The following STK11 variants were observed in gnomAD, a reference collection of about 807,000 sequenced individuals.
STK11 encodes the protein serine/threonine-protein kinase STK11.
STK11 carries 8 observed loss-of-function variants against 47.3 expected under a neutral mutation model. That is an observed-to-expected ratio of 0.17 (90% confidence interval 0.10 to 0.31). STK11 has a LOEUF of 0.31. STK11 is among the 10% of genes least tolerant of loss of function. The pLI is 1.00. For missense variants in STK11, 475 were observed against 605.0 expected (o/e 0.79, Z 2.25); for synonymous variants, 330 against 255.8 (o/e 1.29, Z -2.77).
rs776823114 is a variant in STK11 at position 1,220,709 on chromosome 19, G to T, written c.726G>T (p.Gly242=). 5.0e-6 allele frequency: 8 copies of T among 1,609,000 alleles called. No individual in the cohort carries two copies. The highest frequency in any genetic ancestry group is 5.9e-6 in the Non-Finnish European group (7 of 1,178,124). The part of the protein sequence containing the change: ...SGFKVDIWSA[G]VTLYNITTGL... Reference sequence around the variant, plus strand: ...TCAAGGTGGACATCTGGTCGGCTGGGGTCACCCTGTAAGTGCCCCGCCCCC... The same window carrying T: ...TCAAGGTGGACATCTGGTCGGCTGGTGTCACCCTGTAAGTGCCCCGCCCCC... The change falls in exon 5 of 10, where the codon GGG becomes GGT. Residue 242 remains glycine (G), a synonymous_variant. Coordinates refer to ENST00000326873, the MANE Select transcript of STK11 (RefSeq NM_000455.5).
intron 8 of STK11, chr19:1,223,586 C>T (rs934485711): frequency 2.7e-5 from 29 of 1,081,840 alleles, no homozygotes; most frequent in Middle Eastern, 4.1e-4. Context: ...TCCCTCCCGT[C>T]GTCCCTGAGG....
Position 1,206,112 on chromosome 19 carries a change from C to T in STK11, c.-802C>T, listed in dbSNP as rs2080662558. The T allele has an allele frequency of 6.8e-6, 1 of 147,022 alleles. No individual in the cohort carries two copies. Among genetic ancestry groups the T allele is most frequent in the South Asian group, 2.1e-4 (1 of 4,822 alleles). 9.1% of individuals were successfully genotyped at this position (147,022 alleles called of 1,614,324 possible). On this transcript the variant is annotated 5_prime_UTR_variant, in exon 1 of 10. Transcript: ENST00000326873. ...GAGGGCACTCGGGGCGGGGCGCGCGCTCGGGCAGACGTTTGCGGGGAGGGG... is the reference window on the plus strand; with the variant it reads ...GAGGGCACTCGGGGCGGGGCGCGCGTTCGGGCAGACGTTTGCGGGGAGGGG...
chr19:1,218,391 A>C, intron 1 of STK11, 26 bp from the exon 2 acceptor site: 1 of 1,603,372 alleles, frequency 6.2e-7, no homozygotes, highest in Non-Finnish European at 8.5e-7. Context: ...GGGTCGGCTG[A>C]TACACCCCTG....
At position 1,228,180 on chromosome 19, in the gene STK11, C is replaced by G; in HGVS notation, c.*604C>G. The G allele has an allele frequency of 9.6e-7, 1 of 1,047,050 alleles. No individual in the cohort carries two copies. The highest frequency in any genetic ancestry group is 1.2e-6 in the Non-Finnish European group (1 of 862,538). 64.9% of individuals were successfully genotyped at this position (1,047,050 alleles called of 1,614,324 possible). ...CTCACGTCGCGGCCGCCTTTGCGCT[C>G]TCGGGTCACCCTGCTTTGGCGGCCC... On this transcript the variant is annotated 3_prime_UTR_variant, in exon 10 of 10. Coordinates refer to ENST00000326873, the MANE Select transcript of STK11 (RefSeq NM_000455.5).
chr19:1,224,892 G>A lies in STK11; in HGVS notation c.1109-1562G>A, dbSNP rs568298182. ...ATGCTGGGGACAGGCTCAACTTCAG[G>A]CTTCAGCGTGAGCCCCGTCCCTGAC... On this transcript the variant is annotated intron_variant, in intron 8 of 9. Transcript: ENST00000326873. 3.1e-5 allele frequency: 31 copies of A among 985,700 alleles called. No homozygotes were observed. The Admixed American group carries it at 1.7e-3, about 53-fold the overall frequency. The allele number at this position is 985,700 out of a possible 1,614,324, so 61.1% of individuals were successfully genotyped here.
chr19:1,213,142 G>A (rs1020650067), intron 1 of STK11, among the ~76,000 whole-genome samples: 13 of 151,152 alleles, frequency 8.6e-5, no homozygotes, highest in South Asian at 4.2e-4. Context: ...GACTACAGGC[G>A]CCTGCCACCA....
At chr19:1,224,250 G>A (rs1203269442) in intron 8 of STK11, 1 of 985,382 alleles carries the variant, frequency 1.0e-6, no homozygotes, top group Non-Finnish European at 1.2e-6. Context: ...GGCCCCCCAG[G>A]AGGGTACAGC....
chr19:1,219,528 G>C (rs1206877058), intron 3 of STK11, 115 bp downstream of exon 3: 4 of 903,304 alleles, frequency 4.4e-6, no homozygotes, highest in Non-Finnish European at 6.5e-6. Context: ...GAAGGCCCAA[G>C]TTTTTTTGTT....
In STK11 at chr19:1,228,087, T is replaced by G. The variant is rs1599934581; in HGVS notation, c.*511T>G. ...TTTTTTTTTAAGAAAAAATAAAAGGTGGATTTGAGCTGTGGCTGTGAGGGG... is the reference window on the plus strand; with the variant it reads ...TTTTTTTTTAAGAAAAAATAAAAGGGGGATTTGAGCTGTGGCTGTGAGGGG... On this transcript the variant is annotated 3_prime_UTR_variant, in exon 10 of 10. Transcript: ENST00000326873. The G allele has an allele frequency of 3.8e-6, 4 of 1,061,940 alleles. No individual in the cohort carries two copies. Among genetic ancestry groups the G allele is most frequent in the Non-Finnish European group, 4.6e-6 (4 of 877,982 alleles). The allele number at this position is 1,061,940 out of a possible 1,614,324, so 65.8% of individuals were successfully genotyped here. A position where few individuals can be genotyped will look rare whatever the true frequency, so the allele number is the denominator to read the frequency against.
intron 1 of STK11, among the ~76,000 whole-genome samples, chr19:1,212,990 CTTTTTTTTT>C (rs35169539): frequency 1.1e-5 from 1 of 94,752 alleles, no homozygotes; most frequent in African/African-American, 4.0e-5. Context: ...TAAAGTTCAC[CTTTTTTTTT>C]TTTTTTTTTT....
chr19:1,215,151 G>T (rs767535220), intron 1 of STK11, among the ~76,000 whole-genome samples: 1 of 152,164 alleles, frequency 6.6e-6, no homozygotes, highest in Non-Finnish European at 1.5e-5. Context: ...GCAGGAAGGC[G>T]CTGGGCCCCG....
intron 3 of STK11, chr19:1,219,994 C>T (rs2080771407): frequency 4.3e-6 from 1 of 232,410 alleles, no homozygotes; most frequent in Admixed American, 5.1e-5. Context: ...TGGCAGCCGC[C>T]TGCCCTGACC....
chr19:1,216,232 C>T (rs1319623422), intron 1 of STK11: 1 of 166,972 alleles, frequency 6.0e-6, no homozygotes, highest in Non-Finnish European at 1.3e-5. Context: ...AAGCAAGCCC[C>T]ATTCCCATTG....
chr19:1,221,134 C>T (rs2145426399), intron 5 of STK11, 79 bp from the exon 6 acceptor site: 1 of 1,584,934 alleles, frequency 6.3e-7, no homozygotes, highest in Non-Finnish European at 8.6e-7. Flanking sequence ...ACGCCTCTGT[C>T]CCTGGGGTAG....
rs1186759453 is a variant in STK11 at position 1,210,414 on chromosome 19, C to T, written c.290+3211C>T. Among the ~76,000 whole-genome samples, 6 of 152,262 alleles carry T rather than the reference C, an allele frequency of 3.9e-5. No homozygotes were observed. In the South Asian group the frequency reaches 6.2e-4, roughly 16 times the overall value. On this transcript the variant is annotated intron_variant, in intron 1 of 9. Transcript: ENST00000326873. Reference sequence around the variant, plus strand: ...CTCCAGTTGGTGTGGAAAGCGTGGGCGATCACCAAGGGGGGTGGGTTGGGG... The same window carrying T: ...CTCCAGTTGGTGTGGAAAGCGTGGGTGATCACCAAGGGGGGTGGGTTGGGG...
intron 8 of STK11, chr19:1,224,771 A>G (rs1349128669): frequency 4.1e-6 from 4 of 985,458 alleles, no homozygotes; most frequent in African/African-American, 1.7e-5. Context: ...GAGGAGGAGT[A>G]CCCAGCAGGG....
intron 8 of STK11, chr19:1,224,696 G>C: frequency 1.0e-6 from 1 of 985,714 alleles, no homozygotes; most frequent in Non-Finnish European, 1.2e-6. Context: ...GGGGTGAGGT[G>C]CCTGGGAGGA....
chr19:1,226,602 C>G lies in STK11; in HGVS notation c.1257C>G (p.Ser419=), dbSNP rs375328708. ...RAPNPARKAC[S]ASSKIRRLSA... ...CCAACCCTGCCCGCAAGGCCTGCTCCGCCAGCAGCAAGATCCGCCGGCTGT... is the reference window on the plus strand; with the variant it reads ...CCAACCCTGCCCGCAAGGCCTGCTCGGCCAGCAGCAAGATCCGCCGGCTGT... The change falls in exon 9 of 10, where the codon TCC becomes TCG. Residue 419 remains serine, a synonymous_variant. Coordinates refer to ENST00000326873, the MANE Select transcript of STK11 (RefSeq NM_000455.5). 1 of 1,563,582 alleles carries G rather than the reference C, an allele frequency of 6.4e-7. No homozygotes were observed. Among genetic ancestry groups the G allele is most frequent in the Non-Finnish European group, 8.6e-7 (1 of 1,156,092 alleles).
intron 8 of STK11, chr19:1,225,833 A>G (rs1014950802): frequency 1.3e-5 from 13 of 985,862 alleles, no homozygotes; most frequent in African/African-American, 1.0e-4. Context: ...AGCTTCCTGC[A>G]CTTTCCCCTG....
Sources: allele counts gnomAD v4.1 joint callset (sites outside exome capture counted in the v4.1 genomes callset), GRCh38; gene constraint gnomAD v4.1.1; transcripts MANE v1.5; gene names NCBI Gene and HGNC (gene_info 2026-07-23, HGNC 2026-07-21).